The following F13A1 variants were observed in gnomAD, a reference collection of about 807,000 sequenced individuals.
The protein encoded by F13A1 is coagulation factor XIII A chain.
A neutral mutation model predicts 80.1 loss-of-function variants in F13A1; 47 were observed. The ratio of observed to expected loss-of-function variants is 0.59; its 90% CI spans 0.46 to 0.75. F13A1 has a LOEUF of 0.75. F13A1 is among the 30% of genes least tolerant of loss of function. F13A1 has a pLI of 0.00. For synonymous variants in F13A1, 349 were observed against 344.9 expected (o/e 1.01, Z -0.13); for missense variants, 817 against 930.4 (o/e 0.88, Z 1.59).
chr6:6,293,342 G>A (rs998562530), intron 3 of F13A1, among the ~76,000 whole-genome samples: 1 of 152,062 alleles, frequency 6.6e-6, no homozygotes, highest in African/African-American at 2.4e-5. Flanking sequence ...AACACCAGAA[G>A]CTGCTCCCAA....
chr6:6,177,067 C>T (rs770365695), intron 11 of F13A1, among the ~76,000 whole-genome samples: 29 of 152,166 alleles, frequency 1.9e-4, no homozygotes, highest in Non-Finnish European at 3.5e-4. Context: ...TGTTTCTCTA[C>T]AGTTATGCTG....
At position 6,144,345 on chromosome 6, in the gene F13A1, T is replaced by C. The variant is rs928493452; in HGVS notation, c.*1274A>G. ...AAATGTGGTTATATAGACCAGAGCA[T>C]TCCATTCTGATTTTGCCCCCAGTAT... On this transcript the variant is annotated 3_prime_UTR_variant, in exon 15 of 15. Transcript: ENST00000264870. 1 of 152,206 alleles carries C rather than the reference T, an allele frequency of 6.6e-6. No homozygotes were observed. The highest frequency in any genetic ancestry group is 1.5e-5 in the Non-Finnish European group (1 of 68,038). The allele number at this position is 152,206 out of a possible 1,614,324, so 9.4% of individuals were successfully genotyped here.
chr6:6,197,473 A>C, intron 8 of F13A1, 147 bp from the exon 9 acceptor site: 4 of 729,282 alleles, frequency 5.5e-6, no homozygotes, highest in South Asian at 3.0e-5. Context: ...AGGTCAAGAC[A>C]TCAAGACCAG....
intron 8 of F13A1, among the ~76,000 whole-genome samples, chr6:6,218,064 G>A (rs1757130388): frequency 6.6e-6 from 1 of 152,118 alleles, no homozygotes; most frequent in African/African-American, 2.4e-5. Context: ...GGGAAAAGCT[G>A]AGAGGAGGAC....
At chr6:6,160,833 C>G (rs1489090570) in intron 13 of F13A1, among the ~76,000 whole-genome samples, 2 of 148,520 alleles carry the variant, frequency 1.3e-5, no homozygotes, top group South Asian at 4.2e-4. Flanking sequence ...TGGAAACAGT[C>G]AATTGTCCTC....
chr6:6,164,546 T>TAA (rs1760631129), intron 13 of F13A1, among the ~76,000 whole-genome samples: 2 of 152,048 alleles, frequency 1.3e-5, no homozygotes. Context: ...AACTCTTAAT[T>TAA]GAGTTGTGTT....
chr6:6,279,485 AC>A (rs999764361), intron 3 of F13A1, among the ~76,000 whole-genome samples: 4 of 151,938 alleles, frequency 2.6e-5, no homozygotes, highest in African/African-American at 9.7e-5. Flanking sequence ...TGGGTTTCTG[AC>A]CCCTCGTGCT....
intron 6 of F13A1, among the ~76,000 whole-genome samples, chr6:6,241,809 T>C (rs1757487295): frequency 6.6e-6 from 1 of 152,224 alleles, no homozygotes; most frequent in Admixed American, 6.5e-5. Context: ...GTCTTTACAG[T>C]TCATTTGGGA....
At chr6:6,238,098 G>A (rs556075986) in intron 6 of F13A1, among the ~76,000 whole-genome samples, 12 of 152,320 alleles carry the variant, frequency 7.9e-5, no homozygotes, top group African/African-American at 2.4e-4. Context: ...GTGTGGTATT[G>A]TCATAAGGAC....
chr6:6,163,404 AG>A (rs1378958586), intron 13 of F13A1, among the ~76,000 whole-genome samples: 1 of 152,164 alleles, frequency 6.6e-6, no homozygotes, highest in East Asian at 1.9e-4. Flanking sequence ...TCATGTCATG[AG>A]GGTTGTACAG....
intron 3 of F13A1, among the ~76,000 whole-genome samples, chr6:6,270,811 T>C (rs1442820679): frequency 2.0e-5 from 3 of 152,054 alleles, no homozygotes; most frequent in Non-Finnish European, 4.4e-5. Flanking sequence ...AAAAGGGACA[T>C]TGAGAAAATA....
At chr6:6,309,440 G>T (rs115818989) in intron 2 of F13A1, among the ~76,000 whole-genome samples, 1 of 152,154 alleles carries the variant, frequency 6.6e-6, no homozygotes, top group Non-Finnish European at 1.5e-5. Context: ...ATGTGGAAAG[G>T]GGGGTGGAGA....
chr6:6,218,548 C>T (rs186103687), intron 8 of F13A1, among the ~76,000 whole-genome samples: 1 of 152,214 alleles, frequency 6.6e-6, no homozygotes, highest in Admixed American at 6.5e-5. Flanking sequence ...CATTTGCTAC[C>T]CTGGGATCTA....
intron 3 of F13A1, among the ~76,000 whole-genome samples, chr6:6,300,711 T>G (rs978274167): frequency 6.6e-6 from 1 of 152,174 alleles, no homozygotes; most frequent in African/African-American, 2.4e-5. Context: ...TCTGGGTCGC[T>G]CAGGCTGGGA....
intron 3 of F13A1, among the ~76,000 whole-genome samples, chr6:6,302,354 G>A (rs1758446053): frequency 6.6e-6 from 1 of 152,174 alleles, no homozygotes; most frequent in Non-Finnish European, 1.5e-5. Context: ...AAACAAAGAT[G>A]GTACAGCCCA....
chr6:6,264,117 C>A (rs1757812893), intron 4 of F13A1, among the ~76,000 whole-genome samples: 1 of 152,190 alleles, frequency 6.6e-6, no homozygotes, highest in Admixed American at 6.5e-5. Flanking sequence ...AAGATCAAGG[C>A]AGCAATTAGA....
chr6:6,300,523 C>G (rs1384917652), intron 3 of F13A1, among the ~76,000 whole-genome samples: 1 of 152,086 alleles, frequency 6.6e-6, no homozygotes, highest in Non-Finnish European at 1.5e-5. Context: ...CGTCCGTCAC[C>G]CCTTTCTTTG....
At chr6:6,294,524 T>TCACACACA (rs142401119) in intron 3 of F13A1, among the ~76,000 whole-genome samples, 9 of 148,552 alleles carry the variant, frequency 6.1e-5, no homozygotes, top group African/African-American at 2.0e-4. Flanking sequence ...CACACAACAC[T>TCACACACA]CACACACACA....
intron 5 of F13A1, among the ~76,000 whole-genome samples, chr6:6,249,878 A>G (rs3024382): frequency 0.45 from 68,602 of 151,882 alleles, 17,636 homozygotes; most frequent in African/African-American, 0.7. Flanking sequence ...GCAGGCGGGG[A>G]AGCCTGAGCA....
Sources: gnomAD v4.1 joint callset for allele counts (sites outside exome capture counted in the v4.1 genomes callset) on GRCh38, gnomAD v4.1.1 for gene constraint, MANE v1.5 for transcripts, NCBI Gene and HGNC (gene_info 2026-07-23, HGNC 2026-07-21) for gene names.